CDH9: variants seen among roughly 807,000 people sequenced by gnomAD.
CDH9 encodes cadherin-9.
In CDH9, 28 loss-of-function variants were observed where a neutral mutation model predicts 70.9. That is an observed-to-expected ratio of 0.40 (90% CI 0.29 to 0.54). CDH9 has a LOEUF of 0.54. Ranked by LOEUF, CDH9 falls within the 20% of genes least tolerant of loss-of-function variation. The pLI is 0.59. For missense variants in CDH9, 874 were observed against 984.4 expected, an observed-to-expected ratio of 0.89 and a Z score of 1.50; for synonymous variants, 409 against 343.1, an observed-to-expected ratio of 1.19 and a Z score of -2.12.
At chr5:27,012,236 C>T (rs1011350967) in intron 1 of CDH9, among the ~76,000 whole-genome samples, 1 of 151,758 alleles carries the variant, frequency 6.6e-6, no homozygotes, top group African/African-American at 2.4e-5. Context: ...GTATAAAAAG[C>T]TGTTGTACTC....
intron 9 of CDH9, among the ~76,000 whole-genome samples, chr5:26,887,345 T>A (rs1740582437): frequency 6.6e-6 from 1 of 151,686 alleles, no homozygotes; most frequent in Admixed American, 6.6e-5. Context: ...ATATGACATT[T>A]GAAGTCTTGA....
intron 2 of CDH9, among the ~76,000 whole-genome samples, chr5:26,975,858 C>T (rs1467827088): frequency 6.6e-6 from 1 of 152,110 alleles, no homozygotes; most frequent in East Asian, 1.9e-4. Context: ...ATAGATAGAG[C>T]TCAAACAGAG....
intron 1 of CDH9, among the ~76,000 whole-genome samples, chr5:27,010,095 T>C (rs1200726446): frequency 6.6e-6 from 1 of 152,140 alleles, no homozygotes; most frequent in Non-Finnish European, 1.5e-5. Flanking sequence ...AGATCTATCC[T>C]GTTAACAAAT....
chr5:27,004,110 G>GAA (rs59593576), intron 1 of CDH9, among the ~76,000 whole-genome samples: 24 of 106,608 alleles, frequency 2.3e-4, no homozygotes, highest in South Asian at 3.5e-4. Flanking sequence ...ATGCCTCTCT[G>GAA]AAAAAAAAAA....
At position 26,906,699 on chromosome 5, in the gene CDH9, G is replaced by T. The variant is rs751419861; in HGVS notation, c.643+20C>A. ...TAATGTATTATACAATAAGAAGTCA[G>T]CCAAGTTTAAATGTTGTACCTGATT... is the stretch of plus-strand genomic sequence containing the variant. On this transcript the variant is annotated intron_variant, in intron 4 of 11. Transcript: ENST00000231021. The T allele has an allele frequency of 1.9e-6, 3 of 1,611,196 alleles. No individual in the cohort carries two copies. Among genetic ancestry groups the T allele is most frequent in the African/African-American group, 1.3e-5 (1 of 74,868 alleles).
chr5:26,927,182 G>T (rs749912809), intron 2 of CDH9, among the ~76,000 whole-genome samples: 1 of 151,862 alleles, frequency 6.6e-6, no homozygotes, highest in African/African-American at 2.4e-5. Context: ...TGTTGAAAAG[G>T]CATTTAATAG....
intron 1 of CDH9, among the ~76,000 whole-genome samples, chr5:26,995,229 T>A (rs1742646940): frequency 6.6e-6 from 1 of 152,240 alleles, no homozygotes; most frequent in South Asian, 2.1e-4. Context: ...TAATGCCTAA[T>A]ATAAATAATT....
Position 26,881,113 on chromosome 5 carries a change from A to G in CDH9, c.*23T>C, listed in dbSNP as rs1353473022. On this transcript the variant is annotated 3_prime_UTR_variant, in exon 12 of 12. Coordinates refer to ENST00000231021, the MANE Select transcript of CDH9 (RefSeq NM_016279.4). ...TAACATAGACAGTACTTCCACTAAT[A>G]TTGATTAAGTCAAACAATCCTCTTA... 6.4e-7 allele frequency: 1 copy of G among 1,568,980 alleles called. No individual in the cohort carries two copies. The highest frequency in any genetic ancestry group is 1.4e-5 in the African/African-American group (1 of 73,374).
intron 2 of CDH9, among the ~76,000 whole-genome samples, chr5:26,924,941 CAGTCTATCACTG>C (rs1741310942): frequency 6.6e-6 from 1 of 151,956 alleles, no homozygotes; most frequent in African/African-American, 2.4e-5. Flanking sequence ...TTTTTTAATC[CAGTCTATCACTG>C]ATGGACATGT....
intron 1 of CDH9, among the ~76,000 whole-genome samples, chr5:27,035,536 C>G (rs149636740): frequency 5.9e-5 from 9 of 151,780 alleles, no homozygotes; most frequent in African/African-American, 2.2e-4. Flanking sequence ...TTATATTTAG[C>G]ATGCTTTCTT....
chr5:27,036,016 T>A (rs1239011918), intron 1 of CDH9, among the ~76,000 whole-genome samples: 1 of 151,878 alleles, frequency 6.6e-6, no homozygotes, highest in Non-Finnish European at 1.5e-5. Context: ...TAATTTATAC[T>A]TTCTTGCATA....
chr5:27,009,580 AC>A (rs1742922719), intron 1 of CDH9, among the ~76,000 whole-genome samples: 1 of 151,924 alleles, frequency 6.6e-6, no homozygotes, highest in Admixed American at 6.6e-5. Flanking sequence ...ATTTTCATTA[AC>A]CTCATTGGCC....
At chr5:27,034,986 C>T (rs923882581) in intron 1 of CDH9, among the ~76,000 whole-genome samples, 2 of 151,288 alleles carry the variant, frequency 1.3e-5, no homozygotes, top group African/African-American at 4.8e-5. Context: ...TTATTTATAA[C>T]AATCCAGAAT....
Position 26,915,921 on chromosome 5 carries a change from GA to G in CDH9, c.231del (p.His78ThrfsTer11). On this transcript the variant is annotated frameshift_variant and splice_region_variant, in exon 3 of 12. Transcript: ENST00000231021. LOFTEE classifies it high-confidence loss of function. ...TGTDTQYVGK[L>X]HTDQDKGDGN... is the part of the protein sequence containing the mutation. ...CCATCTCCTTTATCTTGGTCAGTGTGAAGCTTTAGAGAGGTAGAAAAGAAGA... is the reference window on the plus strand; with the variant it reads ...CCATCTCCTTTATCTTGGTCAGTGTGAGCTTTAGAGAGGTAGAAAAGAAGA... 6.3e-7 allele frequency: 1 copy of G among 1,599,630 alleles called. No homozygotes were observed. The highest frequency in any genetic ancestry group is 8.5e-7 in the Non-Finnish European group (1 of 1,170,560).
intron 2 of CDH9, among the ~76,000 whole-genome samples, chr5:26,933,214 T>C (rs1741494947): frequency 1.3e-5 from 2 of 149,662 alleles, no homozygotes; most frequent in Admixed American, 1.3e-4. Context: ...AATAAAATAA[T>C]ATAAAATTCA....
chr5:26,932,486 A>C (rs1439470734), intron 2 of CDH9, among the ~76,000 whole-genome samples: 4 of 152,098 alleles, frequency 2.6e-5, no homozygotes, highest in African/African-American at 9.7e-5. Flanking sequence ...TGGTGTTCTG[A>C]TTAGTGCATG....
At chr5:26,971,213 G>T (rs1329565703) in intron 2 of CDH9, among the ~76,000 whole-genome samples, 1 of 152,090 alleles carries the variant, frequency 6.6e-6, no homozygotes, top group East Asian at 1.9e-4. Context: ...CCATGAAAAT[G>T]GTCAAGATGA....
chr5:26,901,124 A>C (rs1740847710), intron 7 of CDH9, among the ~76,000 whole-genome samples: 1 of 152,000 alleles, frequency 6.6e-6, no homozygotes, highest in Non-Finnish European at 1.5e-5. Context: ...AAGCAATATG[A>C]ACATTTTAAT....
intron 2 of CDH9, among the ~76,000 whole-genome samples, chr5:26,957,338 T>A (rs1477300148): frequency 6.6e-6 from 1 of 152,128 alleles, no homozygotes; most frequent in African/African-American, 2.4e-5. Context: ...TAAAAAATCA[T>A]AGGCTGTAAA....
Sources: allele counts gnomAD v4.1 joint callset (sites outside exome capture counted in the v4.1 genomes callset), GRCh38; gene constraint gnomAD v4.1.1; transcripts MANE v1.5; gene names NCBI Gene and HGNC (gene_info 2026-07-23, HGNC 2026-07-21).